SEMA3A: variants seen among roughly 807,000 people sequenced by gnomAD.
SEMA3A encodes the protein semaphorin 3A.
Under a neutral mutation model 97.9 loss-of-function variants are expected in SEMA3A, and 29 were observed. That is an observed-to-expected ratio of 0.30 (90% confidence interval 0.22 to 0.40). The LOEUF is 0.40. Among genes scored for constraint, SEMA3A ranks in the 10% least tolerant of loss-of-function variants. The probability of loss-of-function intolerance (pLI) is 1.00; values close to 1 mark genes in which losing one functional copy is unlikely to be tolerated. For synonymous variants in SEMA3A, 321 were observed against 323.7 expected (o/e 0.99, Z 0.09); for missense variants, 763 against 951.3 (o/e 0.80, Z 2.60).
chr7:84,068,082 A>G (rs1408871834), intron 4 of SEMA3A, among the ~76,000 whole-genome samples: 11 of 122,002 alleles, frequency 9.0e-5, no homozygotes, highest in Middle Eastern at 3.5e-3. Context: ...ACCATGGAAT[A>G]CTATGCAGCC....
intron 3 of SEMA3A, among the ~76,000 whole-genome samples, chr7:84,125,137 GAAGA>G (rs1260008131): frequency 5.9e-5 from 9 of 152,044 alleles, no homozygotes; most frequent in Non-Finnish European, 1.3e-4. Flanking sequence ...TGCAGAATAT[GAAGA>G]AATACCAAAG....
intron 3 of SEMA3A, among the ~76,000 whole-genome samples, chr7:84,273,312 A>G (rs183940357): frequency 6.6e-6 from 1 of 152,246 alleles, no homozygotes; most frequent in Admixed American, 6.6e-5. Flanking sequence ...CCGAATTTCC[A>G]TAATGTTTTC....
At chr7:84,008,319 G>A (rs1051662174) in intron 9 of SEMA3A, among the ~76,000 whole-genome samples, 5 of 151,678 alleles carry the variant, frequency 3.3e-5, no homozygotes, top group Non-Finnish European at 5.9e-5. Context: ...GTGAAACCCC[G>A]TCTCTACTAA....
intron 1 of SEMA3A, among the ~76,000 whole-genome samples, chr7:84,160,227 A>G (rs1055088177): frequency 8.3e-3 from 2 of 242 alleles, no homozygotes; most frequent in Non-Finnish European, 7.8e-3. Flanking sequence ...CAATCTGTCT[A>G]TCTATCTATC....
intron 1 of SEMA3A, among the ~76,000 whole-genome samples, chr7:84,424,703 A>C (rs1408961790): frequency 1.7e-5 from 1 of 57,550 alleles, no homozygotes; most frequent in Non-Finnish European, 2.5e-5. Flanking sequence ...TATTGATATC[A>C]ATATATAATA....
intron 2 of SEMA3A, among the ~76,000 whole-genome samples, chr7:84,351,164 C>A (rs1802429325): frequency 6.6e-6 from 1 of 151,858 alleles, no homozygotes; most frequent in Non-Finnish European, 1.5e-5. Flanking sequence ...GGCAAAAATT[C>A]ATTCATCGTG....
At chr7:84,063,318 A>T (rs1793332671) in intron 4 of SEMA3A, among the ~76,000 whole-genome samples, 1 of 150,050 alleles carries the variant, frequency 6.7e-6, no homozygotes, top group Non-Finnish European at 1.5e-5. Context: ...AAAGATGGGG[A>T]AAAAACAGAA....
At chr7:84,040,884 G>C (rs1792113364) in intron 6 of SEMA3A, among the ~76,000 whole-genome samples, 1 of 151,990 alleles carries the variant, frequency 6.6e-6, no homozygotes, top group Non-Finnish European at 1.5e-5. Context: ...CTCATTTTTT[G>C]ATCAACTTTC....
chr7:84,325,456 A>G lies in SEMA3A; in HGVS notation c.-168-18164T>C, dbSNP rs545920828. Among the ~76,000 whole-genome samples, 154 of 152,206 alleles carry G rather than the reference A, an allele frequency of 1.0e-3. 6 individuals are homozygous for G. The South Asian group carries it at 0.031, about 31-fold the overall frequency. ...TGAATAAAGACAGAAGATTTGCCAC[A>G]GGATATCTGAATCTGAGACAGAAGA... On this transcript the variant is annotated intron_variant, in intron 2 of 3. Transcript: ENST00000424555.
intron 3 of SEMA3A, among the ~76,000 whole-genome samples, chr7:84,239,607 A>G (rs1184401923): frequency 6.6e-6 from 1 of 152,178 alleles, no homozygotes; most frequent in Non-Finnish European, 1.5e-5. Context: ...ATTATATTTT[A>G]TAGTTAGCAA....
At position 84,158,224 on chromosome 7, in the gene SEMA3A, G is replaced by A. The variant is rs565344945; in HGVS notation, c.113-23273C>T. On this transcript the variant is annotated intron_variant, in intron 1 of 16. Coordinates refer to ENST00000265362, the MANE Select transcript of SEMA3A (RefSeq NM_006080.3). The stretch of plus-strand genomic sequence containing the variant: ...GGCTGGAGTGCAGTGGCGTGATCTC[G>A]GCTCACTGCAACCTCCGCCTCCCAG... 1.6e-3 allele frequency among the ~76,000 whole-genome samples: 221 copies of A among 134,470 alleles called. 7 individuals are homozygous for A. In the South Asian group the frequency reaches 0.048, roughly 29 times the overall value. 88.2% of individuals were successfully genotyped at this position (134,470 alleles called of 152,430 possible). A position where few individuals can be genotyped will look rare whatever the true frequency, so the allele number is the denominator to read the frequency against.
chr7:84,178,069 A>C (rs12113887), intron 1 of SEMA3A, among the ~76,000 whole-genome samples: 9,429 of 152,212 alleles, frequency 0.062, 355 homozygotes, highest in African/African-American at 0.098. Flanking sequence ...TATTCAACTG[A>C]ATGGTTAATA....
chr7:84,402,284 G>A (rs77510611), intron 1 of SEMA3A, among the ~76,000 whole-genome samples: 17,514 of 152,124 alleles, frequency 0.12, 1,895 homozygotes, highest in African/African-American at 0.27. Flanking sequence ...TCAGGAAAAT[G>A]CAAATCAAAT....
chr7:84,265,731 A>G (rs551155770), intron 3 of SEMA3A, among the ~76,000 whole-genome samples: 2 of 151,996 alleles, frequency 1.3e-5, no homozygotes, highest in East Asian at 3.9e-4. Flanking sequence ...CCAGCCTAGT[A>G]GACTAATCTA....
intron 3 of SEMA3A, chr7:84,306,728 T>A (rs952830831): frequency 6.6e-6 from 1 of 152,304 alleles, no homozygotes; most frequent in East Asian, 1.9e-4. Context: ...AAAATTAAGA[T>A]GGTGTAACAC....
chr7:84,374,676 C>A (rs940414008), intron 1 of SEMA3A, among the ~76,000 whole-genome samples: 2 of 152,104 alleles, frequency 1.3e-5, no homozygotes, highest in African/African-American at 2.4e-5. Flanking sequence ...TAAAAGTATT[C>A]TTTTAAGAGA....
chr7:84,305,012 C>A (rs1306332131), intron 3 of SEMA3A, among the ~76,000 whole-genome samples: 1 of 151,692 alleles, frequency 6.6e-6, no homozygotes, highest in Non-Finnish European at 1.5e-5. Context: ...ATATATGGAG[C>A]CATGTTGAGG....
chr7:84,219,377 T>C (rs1798822250), intron 3 of SEMA3A, among the ~76,000 whole-genome samples: 2 of 152,010 alleles, frequency 1.3e-5, no homozygotes, highest in South Asian at 4.1e-4. Flanking sequence ...GAGATCTTAT[T>C]AAGGCTTTCG....
chr7:84,381,353 A>G (rs1406793037), intron 1 of SEMA3A, among the ~76,000 whole-genome samples: 23 of 152,110 alleles, frequency 1.5e-4, no homozygotes, highest in Admixed American at 1.5e-3. Flanking sequence ...TGAAATTCCA[A>G]CCTCATCCAT....
Sources: gnomAD v4.1 joint callset for allele counts (sites outside exome capture counted in the v4.1 genomes callset) on GRCh38, gnomAD v4.1.1 for gene constraint, MANE v1.5 for transcripts, NCBI Gene and HGNC (gene_info 2026-07-23, HGNC 2026-07-21) for gene names.